Variants in PRDM16 observed in about 807,000 individuals in gnomAD.
PRDM16 encodes the protein histone-lysine N-methyltransferase PRDM16.
In PRDM16, 23 loss-of-function variants were observed where a neutral mutation model predicts 110.6. That is an observed-to-expected ratio of 0.21 (90% CI 0.15 to 0.29). PRDM16 has a LOEUF of 0.29. Among genes scored for constraint, PRDM16 ranks in the 10% least tolerant of loss-of-function variants. The pLI is 1.00. For synonymous variants in PRDM16, 799 were observed against 781.8 expected (o/e 1.02, Z -0.37); for missense variants, 1,615 against 1,794.3 (o/e 0.90, Z 1.81).
chr1:3,324,836 C>A (rs1186901837), intron 3 of PRDM16, among the ~76,000 whole-genome samples: 1 of 151,936 alleles, frequency 6.6e-6, no homozygotes, highest in Non-Finnish European at 1.5e-5. Flanking sequence ...GGGTCGTGGG[C>A]AGCACATCTG....
At chr1:3,396,288 C>G in intron 4 of PRDM16, 1 of 646,534 alleles carries the variant, frequency 1.5e-6, no homozygotes, top group East Asian at 3.1e-5. Context: ...TCCTAAAACC[C>G]AATAAAGCAA....
intron 1 of PRDM16, among the ~76,000 whole-genome samples, chr1:3,140,774 A>G (rs1643534456): frequency 6.6e-6 from 1 of 152,212 alleles, no homozygotes; most frequent in African/African-American, 2.4e-5. Context: ...AGACCCCCAC[A>G]GCCCATGAGG....
chr1:3,284,550 C>T (rs1640804463), intron 3 of PRDM16, among the ~76,000 whole-genome samples: 1 of 152,156 alleles, frequency 6.6e-6, no homozygotes, highest in African/African-American at 2.4e-5. Flanking sequence ...CCTTCGGGAG[C>T]CAGGACCTGC....
intron 3 of PRDM16, among the ~76,000 whole-genome samples, chr1:3,259,082 G>T (rs1366384378): frequency 1.3e-5 from 2 of 152,228 alleles, no homozygotes; most frequent in Non-Finnish European, 2.9e-5. Context: ...AGGCCAGAAG[G>T]AAGGCCTGGA....
intron 2 of PRDM16, among the ~76,000 whole-genome samples, chr1:3,194,115 G>T (rs930291520): frequency 3.9e-5 from 6 of 152,234 alleles, no homozygotes; most frequent in Admixed American, 2.0e-4. Context: ...GCACCAGACC[G>T]CCGGGCAAGG....
intron 3 of PRDM16, among the ~76,000 whole-genome samples, chr1:3,317,966 C>T (rs540904510): frequency 2.6e-5 from 4 of 152,174 alleles, no homozygotes; most frequent in African/African-American, 9.7e-5. Context: ...TTGCTGCTAG[C>T]GCTAATTTGA....
At position 3,233,776 on chromosome 1, in the gene PRDM16, G is replaced by A. The variant is rs185437532; in HGVS notation, c.388-10311G>A. On this transcript the variant is annotated intron_variant, in intron 2 of 16. Coordinates refer to ENST00000270722, the MANE Select transcript of PRDM16 (RefSeq NM_022114.4). ...GATGGATGGGTTTATGGTGTGGATCGTGGCGATGGTTTCTTGGTGCATTCT... is the reference window on the plus strand; with the variant it reads ...GATGGATGGGTTTATGGTGTGGATCATGGCGATGGTTTCTTGGTGCATTCT... Among the ~76,000 whole-genome samples, 44 of 149,464 alleles carry A rather than the reference G, an allele frequency of 2.9e-4. 1 individual carries two copies. Among genetic ancestry groups the A allele is most frequent in the Middle Eastern group, 6.9e-3 (2 of 290 alleles).
At position 3,288,138 on chromosome 1, in the gene PRDM16, G is replaced by A. The variant is rs571592680; in HGVS notation, c.438+44001G>A. Among the ~76,000 whole-genome samples, 6 of 152,352 alleles carry A rather than the reference G, an allele frequency of 3.9e-5. No individual in the cohort carries two copies. In the South Asian group the frequency reaches 1.2e-3, roughly 32 times the overall value. On this transcript the variant is annotated intron_variant, in intron 3 of 16. Coordinates refer to ENST00000270722, the MANE Select transcript of PRDM16 (RefSeq NM_022114.4). ...CCACACAGCGCATGACAAACAGAGT[G>A]CCCAAGGAGCCAGCTGGTCTTAGCC...
chr1:3,089,787 G>C (rs1642233341), intron 1 of PRDM16, among the ~76,000 whole-genome samples: 1 of 152,200 alleles, frequency 6.6e-6, no homozygotes, highest in East Asian at 1.9e-4. Flanking sequence ...CCGCACCAGG[G>C]ATGTTCCATT....
At chr1:3,119,442 G>A (rs963272279) in intron 1 of PRDM16, among the ~76,000 whole-genome samples, 37 of 152,212 alleles carry the variant, frequency 2.4e-4, no homozygotes, top group Admixed American at 3.9e-4. Flanking sequence ...CTCCACAGCC[G>A]CCTGGGCCAG....
chr1:3,227,853 G>A (rs1051755136), intron 2 of PRDM16, among the ~76,000 whole-genome samples: 3 of 152,230 alleles, frequency 2.0e-5, no homozygotes, highest in African/African-American at 7.2e-5. Context: ...CAGGTGCTGG[G>A]CAGCCAGGGG....
intron 1 of PRDM16, among the ~76,000 whole-genome samples, chr1:3,164,531 C>A (rs1422602872): frequency 6.6e-6 from 1 of 152,192 alleles, no homozygotes; most frequent in Non-Finnish European, 1.5e-5. Context: ...CCTTGGCTAA[C>A]CTCAATCCCA....
chr1:3,308,653 T>C (rs1641369116), intron 3 of PRDM16: 1 of 152,234 alleles, frequency 6.6e-6, no homozygotes, highest in African/African-American at 2.4e-5. Context: ...CGCCTCCGGC[T>C]TGCAAGCCTC....
At chr1:3,256,855 TCAAAA>T (rs1640060532) in intron 3 of PRDM16, among the ~76,000 whole-genome samples, 1 of 141,146 alleles carries the variant, frequency 7.1e-6, no homozygotes, top group Non-Finnish European at 1.6e-5. Context: ...CGACTCCATC[TCAAAA>T]TAAATAAATA....
chr1:3,310,279 T>A (rs1641417828), intron 3 of PRDM16, among the ~76,000 whole-genome samples: 1 of 152,116 alleles, frequency 6.6e-6, no homozygotes. Context: ...AAAGGCCGGA[T>A]GCCTGCAGTG....
intron 1 of PRDM16, among the ~76,000 whole-genome samples, chr1:3,176,372 C>A (rs1415636836): frequency 7.2e-6 from 1 of 138,540 alleles, no homozygotes; most frequent in Non-Finnish European, 1.6e-5. Context: ...GGCATTCACA[C>A]CTTGAGGTGG....
chr1:3,146,574 C>T lies in PRDM16; in HGVS notation c.38-39551C>T, dbSNP rs1475432786. Among the ~76,000 whole-genome samples the T allele has an allele frequency of 5.8e-5, 7 of 119,694 alleles. 1 individual carries two copies. The highest frequency in any genetic ancestry group is 9.0e-5 in the Admixed American group (1 of 11,098). 78.5% of individuals were successfully genotyped at this position (119,694 alleles called of 152,430 possible). On this transcript the variant is annotated intron_variant, in intron 1 of 16. Coordinates refer to ENST00000270722, the MANE Select transcript of PRDM16 (RefSeq NM_022114.4). The stretch of plus-strand genomic sequence containing the variant: ...TGTGGGGTGTGTACACATGTGTGCT[C>T]GGTGTGGGGCATATGTGTGCACGTG...
At chr1:3,086,163 A>G (rs1642146514) in intron 1 of PRDM16, among the ~76,000 whole-genome samples, 1 of 152,138 alleles carries the variant, frequency 6.6e-6, no homozygotes, top group South Asian at 2.1e-4. Flanking sequence ...CTCTCAGGGC[A>G]GGACAGATGG....
intron 3 of PRDM16, among the ~76,000 whole-genome samples, chr1:3,373,907 G>A (rs767125637): frequency 6.6e-5 from 10 of 152,236 alleles, no homozygotes. Context: ...CCCTGTCCTG[G>A]CTGCTGGTGT....
Sources: gnomAD v4.1 joint callset for allele counts (sites outside exome capture counted in the v4.1 genomes callset) on GRCh38, gnomAD v4.1.1 for gene constraint, MANE v1.5 for transcripts, NCBI Gene and HGNC (gene_info 2026-07-23, HGNC 2026-07-21) for gene names.